Variants in FBXW10 observed in about 807,000 individuals in gnomAD.
FBXW10 encodes F-box and WD repeat domain containing 10, also known as F-box/WD repeat-containing protein 10.
In FBXW10, 68 loss-of-function variants were observed where a neutral mutation model predicts 113.1. The observed-to-expected ratio is 0.60, with a 90% CI of 0.49 to 0.74. The LOEUF (loss-of-function observed/expected upper bound fraction) is 0.74. FBXW10 is among the 30% of genes least tolerant of loss of function. The pLI is 0.00. For synonymous variants in FBXW10, 289 were observed against 481.6 expected (o/e 0.60, Z 5.24); for missense variants, 753 against 1,284.5 (o/e 0.59, Z 6.32).
In FBXW10 at chr17:18,744,075, G is replaced by C. The variant is rs1420227021; in HGVS notation, c.-170G>C. ...AGCCAGACTTCTGCTGGCAGTTACT[G>C]AGAGAGATAGGCTTTCCATCCATGG... On this transcript the variant is annotated 5_prime_UTR_variant, in exon 1 of 14. Transcript: ENST00000395665. The C allele has an allele frequency of 1.0e-6, 1 of 1,000,850 alleles. No individual in the cohort carries two copies. Among genetic ancestry groups the C allele is most frequent in the Non-Finnish European group, 1.4e-6 (1 of 691,698 alleles). The allele number at this position is 1,000,850 out of a possible 1,614,324, so 62.0% of individuals were successfully genotyped here. A position where few individuals can be genotyped will look rare whatever the true frequency, so the allele number is the denominator to read the frequency against.
chr17:18,776,123 A>T (rs2035693719), intron 13 of FBXW10, among the ~76,000 whole-genome samples: 1 of 152,106 alleles, frequency 6.6e-6, no homozygotes, highest in African/African-American at 2.4e-5. Context: ...GGTCGAGACC[A>T]GTCTGGCCAA....
chr17:18,745,192 T>A (rs2035016826), intron 1 of FBXW10: 1 of 1,013,734 alleles, frequency 9.9e-7, no homozygotes, highest in Non-Finnish European at 1.2e-6. Context: ...TAGGGCTTTT[T>A]TTTTTTTTTT....
chr17:18,764,777 T>C lies in FBXW10; in HGVS notation c.1469T>C (p.Ile490Thr). Residue 490 changes from isoleucine to threonine, a missense_variant, in exon 8 of 14, where the codon ATC becomes ACC. Coordinates refer to ENST00000395665, the MANE Select transcript of FBXW10 (RefSeq NM_001267585.2). ...CTGAAAAGTGGGGTTTGCACACGAA[T>C]CTTCGGTGGTCACCAGGGGACTATC... ...WDLKSGVCTR[I>T]FGGHQGTITC... 1.9e-6 allele frequency: 3 copies of C among 1,613,938 alleles called. No individual in the cohort carries two copies. Among genetic ancestry groups the C allele is most frequent in the Non-Finnish European group, 2.5e-6 (3 of 1,179,846 alleles).
Position 18,775,478 on chromosome 17 carries a change from G to C in FBXW10, c.2335+286G>C, listed in dbSNP as rs920671515. On this transcript the variant is annotated intron_variant, in intron 13 of 13. Coordinates refer to ENST00000395665, the MANE Select transcript of FBXW10 (RefSeq NM_001267585.2). ...CTTTTCTGACTTGAGGCCACAGAGG[G>C]AGAACCTTTCTAAGGTTTGCGTTTC... Among the ~76,000 whole-genome samples the C allele has an allele frequency of 1.1e-4, 16 of 152,294 alleles. 1 individual carries two copies. The highest frequency in any genetic ancestry group is 1.5e-5 in the Non-Finnish European group (1 of 68,032).
intron 2 of FBXW10, among the ~76,000 whole-genome samples, chr17:18,749,183 G>T (rs2035105100): frequency 6.6e-6 from 1 of 151,928 alleles, no homozygotes. Context: ...TTCAGACTCT[G>T]ATACTCTAGA....
intron 1 of FBXW10, among the ~76,000 whole-genome samples, chr17:18,746,089 G>A (rs2035033924): frequency 6.6e-6 from 1 of 152,070 alleles, no homozygotes. Flanking sequence ...GGGGAGGGGT[G>A]TCAGTTTCTT....
chr17:18,772,279 C>T lies in FBXW10; in HGVS notation c.2007-133C>T, dbSNP rs532407691. 2.0e-4 allele frequency: 155 copies of T among 793,458 alleles called. No individual in the cohort carries two copies. The African/African-American group carries it at 2.1e-3, about 11-fold the overall frequency. The allele number at this position is 793,458 out of a possible 1,614,324, so 49.2% of individuals were successfully genotyped here. ...CCACTCTCCACCCTCCAGCTGCCTA[C>T]ACTACTAGTCTGTTTGGTCATCACC... On this transcript the variant is annotated intron_variant, in intron 11 of 13. Coordinates refer to ENST00000395665, the MANE Select transcript of FBXW10 (RefSeq NM_001267585.2).
intron 1 of FBXW10, chr17:18,745,040 G>T: frequency 7.6e-7 from 1 of 1,309,820 alleles, no homozygotes; most frequent in Non-Finnish European, 9.8e-7. Context: ...CCCAGAAATG[G>T]CTGGTCCCTG....
At chr17:18,752,643 G>A (rs190702780) in intron 5 of FBXW10, among the ~76,000 whole-genome samples, 3 of 151,522 alleles carry the variant, frequency 2.0e-5, no homozygotes, top group Non-Finnish European at 2.9e-5. Context: ...AACCCGGGAG[G>A]CAGAGCTTGC....
chr17:18,756,718 C>A (rs1284103494), intron 6 of FBXW10, among the ~76,000 whole-genome samples: 2 of 152,158 alleles, frequency 1.3e-5, no homozygotes, highest in Non-Finnish European at 2.9e-5. Context: ...TAATTGCATA[C>A]TCTGACATCA....
chr17:18,777,379 T>C (rs888883120), intron 13 of FBXW10, among the ~76,000 whole-genome samples: 1 of 151,694 alleles, frequency 6.6e-6, no homozygotes, highest in Non-Finnish European at 1.5e-5. Flanking sequence ...ACAGGTTTTA[T>C]TTTGGGCAAC....
At chr17:18,775,314 TG>T in intron 13 of FBXW10, 122 bp downstream of exon 13, 1 of 672,114 alleles carries the variant, frequency 1.5e-6, no homozygotes, top group East Asian at 2.7e-5. Context: ...TCTGAATTAG[TG>T]GCAAGATCCA....
Position 18,778,793 on chromosome 17 carries a change from C to A in FBXW10, c.2654C>A (p.Pro885His), listed in dbSNP as rs140063499. ...PPIDVKRTSIPLEIQKLQPNL... is the reference protein window; with the variant it reads ...PPIDVKRTSIHLEIQKLQPNL... Reference sequence around the variant, plus strand: ...ATAGATGTGAAACGAACCAGTATTCCCCTTGAAATCCAGAAACTGCAGCCC... The same window carrying A: ...ATAGATGTGAAACGAACCAGTATTCACCTTGAAATCCAGAAACTGCAGCCC... Residue 885 changes from proline (P) to histidine (H), a missense_variant, in exon 14 of 14, where the codon CCC (proline) becomes CAC (histidine). By Grantham distance (77) the Pro-to-His change is moderately conservative. Coordinates refer to ENST00000395665, the MANE Select transcript of FBXW10 (RefSeq NM_001267585.2). 6.2e-7 allele frequency: 1 copy of A among 1,613,660 alleles called. No individual in the cohort carries two copies. Among genetic ancestry groups the A allele is most frequent in the East Asian group, 2.2e-5 (1 of 44,894 alleles).
chr17:18,759,039 G>A (rs560900878), intron 7 of FBXW10, among the ~76,000 whole-genome samples: 147 of 152,054 alleles, frequency 9.7e-4, no homozygotes, highest in Admixed American at 4.8e-3. Flanking sequence ...GCGTGGTGGC[G>A]GGTGCCTGTA....
chr17:18,753,702 G>C (rs1175249067), intron 5 of FBXW10, among the ~76,000 whole-genome samples: 1 of 152,032 alleles, frequency 6.6e-6, no homozygotes, highest in African/African-American at 2.4e-5. Flanking sequence ...ACAAAACCTT[G>C]TCTCTACTAA....
chr17:18,761,377 T>G (rs1253575561), intron 7 of FBXW10, among the ~76,000 whole-genome samples: 1 of 152,026 alleles, frequency 6.6e-6, no homozygotes, highest in Non-Finnish European at 1.5e-5. Flanking sequence ...GCCATTCTCC[T>G]GCCTCAGCCT....
At chr17:18,753,078 G>A (rs2035199017) in intron 5 of FBXW10, among the ~76,000 whole-genome samples, 2 of 152,110 alleles carry the variant, frequency 1.3e-5, no homozygotes, top group South Asian at 2.1e-4. Flanking sequence ...TAAGTTCCAG[G>A]TCCCTTTCTA....
Position 18,751,061 on chromosome 17 carries a change from C to G in FBXW10, c.1122+8C>G. ...TGGAAGCTGAGAACGAAGGTGGGTT[C>G]CAACAGCATCTGGGGCAAGTAGCTG... On this transcript the variant is annotated splice_region_variant and intron_variant, in intron 5 of 13. Transcript: ENST00000395665. 1 of 1,613,720 alleles carries G rather than the reference C, an allele frequency of 6.2e-7. No homozygotes were observed. The highest frequency in any genetic ancestry group is 8.5e-7 in the Non-Finnish European group (1 of 1,179,864).
rs2035156640 is a variant in FBXW10, at chr17:18,750,985, G to T, written c.1054G>T (p.Val352Phe). The change falls in exon 5 of 14, where the codon GTT becomes TTT. Residue 352 changes from valine to phenylalanine, a missense_variant. Physicochemically the swap from Val to Phe is conservative, Grantham distance 50. Transcript: ENST00000395665. ...PNYANKVSIP[V>F]PKMVDDGKSM... is the part of the protein sequence containing the mutation. ...TTATGCCAATAAGGTTTCTATCCCA[G>T]TTCCTAAAATGGTAGATGACGGGAA... 4 of 1,614,104 alleles carry T rather than the reference G, an allele frequency of 2.5e-6. No individual in the cohort carries two copies. Among genetic ancestry groups the T allele is most frequent in the Non-Finnish European group, 3.4e-6 (4 of 1,180,020 alleles).
Sources: allele counts gnomAD v4.1 joint callset (sites outside exome capture counted in the v4.1 genomes callset), GRCh38; gene constraint gnomAD v4.1.1; transcripts MANE v1.5; gene names NCBI Gene and HGNC (gene_info 2026-07-23, HGNC 2026-07-21).